The following VAX2 variants were observed in gnomAD, a reference collection of about 807,000 sequenced individuals.
VAX2 encodes the protein ventral anterior homeobox 2.
Under a neutral mutation model 12.5 loss-of-function variants are expected in VAX2, and 8 were observed. The ratio of observed to expected loss-of-function variants is 0.64; its 90% CI spans 0.37 to 1.15. VAX2 has a LOEUF of 1.15. Ranked by LOEUF, VAX2 falls within the 50% of genes most tolerant of loss-of-function variation. The probability of loss-of-function intolerance (pLI) is 0.01; values close to 1 mark genes in which losing one functional copy is unlikely to be tolerated. For missense variants in VAX2, 476 were observed against 412.9 expected, an observed-to-expected ratio of 1.15 and a Z score of -1.32; for synonymous variants, 183 against 187.6, an observed-to-expected ratio of 0.98 and a Z score of 0.20.
chr2:70,918,795 C>T (rs1191876738), intron 1 of VAX2, among the ~76,000 whole-genome samples: 1 of 139,208 alleles, frequency 7.2e-6, no homozygotes. Flanking sequence ...TCTTGGGAGG[C>T]TGAGGCAGGA....
At chr2:70,906,162 C>G (rs1679054156) in intron 1 of VAX2, among the ~76,000 whole-genome samples, 1 of 152,244 alleles carries the variant, frequency 6.6e-6, no homozygotes, top group Admixed American at 6.5e-5. Flanking sequence ...GCTGCATGGG[C>G]CTGCCCACCA....
intron 2 of VAX2, among the ~76,000 whole-genome samples, chr2:70,923,018 A>AGTGTGTGT (rs3836140): frequency 1.3e-5 from 2 of 151,058 alleles, no homozygotes; most frequent in African/African-American, 4.9e-5. Context: ...AGAGACAGAT[A>AGTGTGTGT]GTGTGTGTGT....
At chr2:70,908,600 T>C (rs1472755114) in intron 1 of VAX2, among the ~76,000 whole-genome samples, 2 of 152,238 alleles carry the variant, frequency 1.3e-5, no homozygotes, top group African/African-American at 4.8e-5. Context: ...CTGTTGCTAT[T>C]ATATGTAATC....
chr2:70,931,296 G>T (rs1553414284), intron 2 of VAX2, among the ~76,000 whole-genome samples: 1 of 152,200 alleles, frequency 6.6e-6, no homozygotes. Context: ...TTCAGACTGT[G>T]GCACCTCTTT....
intron 2 of VAX2, among the ~76,000 whole-genome samples, chr2:70,923,590 G>A (rs1336931648): frequency 6.6e-6 from 1 of 152,172 alleles, no homozygotes; most frequent in Admixed American, 6.6e-5. Flanking sequence ...CCTAAAACCG[G>A]GGGCTCCCAC....
chr2:70,928,581 C>T (rs1553413870), intron 2 of VAX2, among the ~76,000 whole-genome samples: 1 of 152,228 alleles, frequency 6.6e-6, no homozygotes, highest in Admixed American at 6.5e-5. Context: ...CTCCTTGCTA[C>T]ACCCAGAGCT....
intron 2 of VAX2, among the ~76,000 whole-genome samples, chr2:70,922,808 G>T (rs1226383358): frequency 6.6e-6 from 1 of 152,218 alleles, no homozygotes; most frequent in African/African-American, 2.4e-5. Flanking sequence ...GCTCAACAGG[G>T]GGCTGGGAAG....
intron 1 of VAX2, among the ~76,000 whole-genome samples, chr2:70,919,937 A>C (rs1478340054): frequency 1.3e-5 from 2 of 152,232 alleles, no homozygotes; most frequent in African/African-American, 4.8e-5. Flanking sequence ...GACGTTTGTC[A>C]GCCTTTGTTA....
chr2:70,900,730 G>T lies in VAX2; in HGVS notation c.109G>T (p.Asp37Tyr). 1 of 1,421,660 alleles carries T rather than the reference G, an allele frequency of 7.0e-7. No homozygotes were observed. The allele number at this position is 1,421,660 out of a possible 1,614,324, so 88.1% of individuals were successfully genotyped here. ...CAGCGGAGCGGGGGACTTGCGAGCT[G>T]ATGGCGGTGGCCACAGCCCAACGGA... ...DRSGAGDLRA[D>Y]GGGHSPTEVA... Residue 37 changes from aspartate (D) to tyrosine (Y), a missense_variant, in exon 1 of 3, where the codon GAT becomes TAT. Coordinates refer to ENST00000234392, the MANE Select transcript of VAX2 (RefSeq NM_012476.3).
chr2:70,931,898 T>C (rs563205939), intron 2 of VAX2, among the ~76,000 whole-genome samples: 2 of 152,390 alleles, frequency 1.3e-5, no homozygotes, highest in South Asian at 4.1e-4. Flanking sequence ...CCCAGCCCTC[T>C]AGATGTTACA....
chr2:70,916,981 T>C (rs895131842), intron 1 of VAX2, among the ~76,000 whole-genome samples: 5 of 151,832 alleles, frequency 3.3e-5, no homozygotes, highest in African/African-American at 1.2e-4. Flanking sequence ...TAAAACCCCA[T>C]CTCTACTAAA....
intron 2 of VAX2, among the ~76,000 whole-genome samples, chr2:70,930,109 GAT>G (rs1679661420): frequency 6.6e-6 from 1 of 152,208 alleles, no homozygotes; most frequent in Non-Finnish European, 1.5e-5. Flanking sequence ...GAGGCAAGAG[GAT>G]CACTTGAGGC....
At chr2:70,922,010 C>T (rs1395089645) in intron 2 of VAX2, among the ~76,000 whole-genome samples, 2 of 152,160 alleles carry the variant, frequency 1.3e-5, no homozygotes, top group African/African-American at 4.8e-5. Flanking sequence ...TAACTAATCC[C>T]TCCCAAGAAG....
Position 70,900,649 on chromosome 2 carries a change from C to G in VAX2, c.28C>G (p.Arg10Gly). The G allele has an allele frequency of 7.8e-7, 1 of 1,278,182 alleles. No homozygotes were observed. Among genetic ancestry groups the G allele is most frequent in the Non-Finnish European group, 9.9e-7 (1 of 1,012,356 alleles). The allele number at this position is 1,278,182 out of a possible 1,614,324, so 79.2% of individuals were successfully genotyped here. Residue 10 changes from arginine (R) to glycine (G), a missense_variant, in exon 1 of 3, where the codon CGG becomes GGG. Transcript: ENST00000234392. MGDGGAERD[R>G]GPARRAESGG... ...GGGCGATGGGGGCGCCGAGCGCGAC[C>G]GGGGCCCCGCGCGCCGGGCGGAGTC... is the stretch of plus-strand genomic sequence containing the variant.
rs189066923 is a variant in VAX2, at chr2:70,904,075, C to A, written c.247+3207C>A. ...AGAGCTGCTGAGATGATAGGCCGGG[C>A]GCATAACAGGCACCCCGCACATCGC... On this transcript the variant is annotated intron_variant, in intron 1 of 2. Transcript: ENST00000234392. This position sits in a 1 kb window ranked among gnomAD's most constrained non-coding sequence, Gnocchi z 4.2. Among the ~76,000 whole-genome samples, 3 of 152,194 alleles carry A rather than the reference C, an allele frequency of 2.0e-5. No homozygotes were observed. Among genetic ancestry groups the A allele is most frequent in the Non-Finnish European group, 2.9e-5 (2 of 68,036 alleles).
chr2:70,908,903 T>C (rs6758537), intron 1 of VAX2, among the ~76,000 whole-genome samples: 36,744 of 152,176 alleles, frequency 0.24, 4,984 homozygotes, highest in East Asian at 0.51. Flanking sequence ...CCCTTTGCCC[T>C]GTCCCCACAC....
intron 1 of VAX2, among the ~76,000 whole-genome samples, chr2:70,903,609 T>C (rs1202334425): frequency 1.3e-5 from 2 of 152,216 alleles, no homozygotes; most frequent in Non-Finnish European, 2.9e-5. Context: ...GCCCTTATCT[T>C]AAAGGACTTG....
intron 2 of VAX2, among the ~76,000 whole-genome samples, chr2:70,931,474 C>T (rs1553414291): frequency 6.6e-6 from 1 of 152,166 alleles, no homozygotes; most frequent in African/African-American, 2.4e-5. Flanking sequence ...AGAAAGAGCT[C>T]CCTCCAAAGG....
Position 70,932,788 on chromosome 2 carries a change from C to G in VAX2, c.457C>G (p.Arg153Gly). 1 of 1,588,592 alleles carries G rather than the reference C, an allele frequency of 6.3e-7. No homozygotes were observed. The highest frequency in any genetic ancestry group is 8.6e-7 in the Non-Finnish European group (1 of 1,166,076). The change falls in exon 3 of 3, where the codon CGC (arginine) becomes GGC (glycine). Residue 153 changes from arginine to glycine, a missense_variant. By Grantham distance (125) the Arg-to-Gly change is moderately radical (BLOSUM62 -2). Transcript: ENST00000234392. ...ETQVKVWFQNRRTKQKKDQSR... is the reference protein window; with the variant it reads ...ETQVKVWFQNGRTKQKKDQSR... Reference sequence around the variant, plus strand: ...CAAGGTGAAGGTCTGGTTCCAGAACCGCCGCACCAAGCAGAAGAAAGACCA... The same window carrying G: ...CAAGGTGAAGGTCTGGTTCCAGAACGGCCGCACCAAGCAGAAGAAAGACCA...
Sources: allele counts gnomAD v4.1 joint callset (sites outside exome capture counted in the v4.1 genomes callset), GRCh38; gene constraint gnomAD v4.1.1; non-coding constraint Gnocchi (gnomAD v3.1); transcripts MANE v1.5; gene names NCBI Gene and HGNC (gene_info 2026-07-23, HGNC 2026-07-21).